EIF2AK3: variants seen among roughly 807,000 people sequenced by gnomAD.
EIF2AK3 encodes the protein eukaryotic translation initiation factor 2-alpha kinase 3.
In EIF2AK3, 50 loss-of-function variants were observed where a neutral mutation model predicts 113.5. That is an observed-to-expected ratio of 0.44 (90% confidence interval 0.35 to 0.56). The LOEUF (loss-of-function observed/expected upper bound fraction) is 0.56. Among genes scored for constraint, EIF2AK3 ranks in the 20% least tolerant of loss-of-function variants. The pLI is 0.00. For missense variants in EIF2AK3, 1,185 were observed against 1,378.0 expected (o/e 0.86, Z 2.22); for synonymous variants, 448 against 495.4 (o/e 0.90, Z 1.27).
chr2:88,618,460 G>A (rs1179418446), intron 1 of EIF2AK3, among the ~76,000 whole-genome samples: 1 of 152,100 alleles, frequency 6.6e-6, no homozygotes, highest in African/African-American at 2.4e-5. Context: ...TTTTTCATAG[G>A]CAAAATATGG....
chr2:88,606,383 T>TAGTTCAC (rs1252370035), intron 2 of EIF2AK3, among the ~76,000 whole-genome samples: 8 of 152,104 alleles, frequency 5.3e-5, no homozygotes, highest in African/African-American at 1.9e-4. Context: ...TAAATTAGCT[T>TAGTTCAC]AGTTCACAGC....
intron 10 of EIF2AK3, among the ~76,000 whole-genome samples, chr2:88,580,779 T>C (rs1489438595): frequency 1.3e-5 from 2 of 152,228 alleles, no homozygotes; most frequent in African/African-American, 2.4e-5. Flanking sequence ...AGTAGTTGCC[T>C]CAGCTGGTTA....
intron 1 of EIF2AK3, among the ~76,000 whole-genome samples, chr2:88,624,312 T>C (rs977566337): frequency 5.3e-5 from 8 of 152,184 alleles, no homozygotes; most frequent in Admixed American, 6.5e-5. Flanking sequence ...TCATTCTATC[T>C]ACACAGGCTC....
intron 1 of EIF2AK3, among the ~76,000 whole-genome samples, chr2:88,620,534 A>G (rs1675695045): frequency 6.6e-6 from 1 of 152,232 alleles, no homozygotes; most frequent in Admixed American, 6.5e-5. Context: ...CTTCTATTAA[A>G]TATTTAATTT....
At chr2:88,607,860 T>A (rs528207485) in intron 2 of EIF2AK3, among the ~76,000 whole-genome samples, 1 of 152,362 alleles carries the variant, frequency 6.6e-6, no homozygotes, top group Admixed American at 6.5e-5. Flanking sequence ...GTTTCATGTA[T>A]GTGACTGTAC....
Position 88,627,222 on chromosome 2 carries a change from AGC to A in EIF2AK3, c.51_52del (p.Leu18AlafsTer58). The stretch of plus-strand genomic sequence containing the variant: ...CCTTGCCGCGAGCCCCAGCAGCAGC[AGC>A]AGCAGCAGCAGCGCCCGTACCAGCA... On this transcript the variant is annotated frameshift_variant, in exon 1 of 17. Coordinates refer to ENST00000303236, the MANE Select transcript of EIF2AK3 (RefSeq NM_004836.7). LOFTEE classifies it high-confidence loss of function. 3.4e-6 allele frequency: 5 copies of A among 1,472,850 alleles called. No homozygotes were observed. The highest frequency in any genetic ancestry group is 4.6e-5 in the Admixed American group (2 of 43,046). The allele number at this position is 1,472,850 out of a possible 1,614,324, so 91.2% of individuals were successfully genotyped here. A position where few individuals can be genotyped will look rare whatever the true frequency, so the allele number is the denominator to read the frequency against.
At chr2:88,563,851 C>T (rs936196829) in intron 14 of EIF2AK3, among the ~76,000 whole-genome samples, 2 of 151,810 alleles carry the variant, frequency 1.3e-5, no homozygotes, top group African/African-American at 4.8e-5. Context: ...TATAGATATA[C>T]ACACACACAG....
chr2:88,598,764 G>T (rs967232390), intron 2 of EIF2AK3, among the ~76,000 whole-genome samples: 1 of 152,116 alleles, frequency 6.6e-6, no homozygotes, highest in Non-Finnish European at 1.5e-5. Context: ...GGATGGTAAG[G>T]CATTGTATTA....
In EIF2AK3 at chr2:88,557,876, T is replaced by C. The variant is rs1673825730; in HGVS notation, c.3211A>G (p.Ile1071Val). The C allele has an allele frequency of 2.5e-6, 4 of 1,614,070 alleles. No individual in the cohort carries two copies. Among genetic ancestry groups the C allele is most frequent in the South Asian group, 1.1e-5 (1 of 91,084 alleles). ...TCCTCAAATACAGCATTTTCAATGA[T>C]GTTTATAGCTTCAGGTCGTTCCATG... ...SPMERPEAIN[I>V]IENAVFEDLD... Residue 1071 changes from isoleucine to valine, a missense_variant, in exon 17 of 17, where the codon ATC (isoleucine) becomes GTC (valine). By Grantham distance (29) the Ile-to-Val change is conservative. Transcript: ENST00000303236.
chr2:88,614,530 G>A (rs530418434), intron 1 of EIF2AK3, among the ~76,000 whole-genome samples: 1 of 152,156 alleles, frequency 6.6e-6, no homozygotes, highest in African/African-American at 2.4e-5. Flanking sequence ...TATCTACCTT[G>A]CTTCAGCTGC....
At chr2:88,566,614 C>A (rs1473180912) in intron 14 of EIF2AK3, among the ~76,000 whole-genome samples, 7 of 152,046 alleles carry the variant, frequency 4.6e-5, no homozygotes, top group African/African-American at 1.7e-4. Flanking sequence ...ACTTATCAAC[C>A]CATCATCTAT....
At chr2:88,576,784 C>T (rs1674471224) in intron 11 of EIF2AK3, 81 bp from the exon 12 acceptor site, 4 of 1,456,704 alleles carry the variant, frequency 2.7e-6, no homozygotes, top group South Asian at 1.2e-5. Context: ...ACTTATACCC[C>T]TAAAATATGT....
intron 1 of EIF2AK3, among the ~76,000 whole-genome samples, chr2:88,620,214 T>G (rs1338627760): frequency 6.6e-6 from 1 of 152,112 alleles, no homozygotes; most frequent in East Asian, 1.9e-4. Context: ...TTGGTTTCGG[T>G]GTACTTTCCT....
chr2:88,573,238 A>C (rs1674363354), intron 13 of EIF2AK3, among the ~76,000 whole-genome samples: 1 of 152,140 alleles, frequency 6.6e-6, no homozygotes, highest in South Asian at 2.1e-4. Context: ...TCTTCTTGCA[A>C]TTTTTCTGGT....
chr2:88,560,549 G>A (rs1329280073), intron 15 of EIF2AK3, among the ~76,000 whole-genome samples: 1 of 152,128 alleles, frequency 6.6e-6, no homozygotes, highest in South Asian at 2.1e-4. Flanking sequence ...CACGTAGCTG[G>A]GACTACAGGC....
chr2:88,578,622 CAG>C (rs1180209541), intron 11 of EIF2AK3, among the ~76,000 whole-genome samples: 1 of 150,180 alleles, frequency 6.7e-6, no homozygotes, highest in Non-Finnish European at 1.5e-5. Context: ...GCAAAGGTTG[CAG>C]AGAGCCGAGA....
chr2:88,590,700 A>G (rs1384604322), intron 5 of EIF2AK3, 95 bp from the exon 6 acceptor site: 3 of 1,569,040 alleles, frequency 1.9e-6, no homozygotes, highest in African/African-American at 2.7e-5. Flanking sequence ...AATTTATAAA[A>G]GCACAGAGAA....
intron 11 of EIF2AK3, among the ~76,000 whole-genome samples, chr2:88,577,850 G>A (rs1674501605): frequency 1.3e-5 from 2 of 152,190 alleles, no homozygotes; most frequent in Admixed American, 1.3e-4. Context: ...CTGAGGGAAA[G>A]GCTACTCTTG....
At chr2:88,571,451 A>C (rs750705366) in intron 13 of EIF2AK3, among the ~76,000 whole-genome samples, 4 of 152,228 alleles carry the variant, frequency 2.6e-5, no homozygotes, top group Admixed American at 6.5e-5. Context: ...GCACTGTTCA[A>C]AGCAGTTTAC....
Sources: gnomAD v4.1 joint callset for allele counts (sites outside exome capture counted in the v4.1 genomes callset) on GRCh38, gnomAD v4.1.1 for gene constraint, MANE v1.5 for transcripts, NCBI Gene and HGNC (gene_info 2026-07-23, HGNC 2026-07-21) for gene names.